The following HMCN1 variants were observed in gnomAD, a reference collection of about 807,000 sequenced individuals.
HMCN1 encodes hemicentin 1, also known as hemicentin-1.
In HMCN1, 321 loss-of-function variants were observed where a neutral mutation model predicts 625.9. The observed-to-expected ratio is 0.51, with a 90% CI of 0.47 to 0.56. The LOEUF (loss-of-function observed/expected upper bound fraction) is 0.56. HMCN1 is among the 20% of genes least tolerant of loss of function. The pLI is 0.00. For synonymous variants in HMCN1, 2,425 were observed against 2,417.6 expected, an observed-to-expected ratio of 1.00 and a Z score of -0.09; for missense variants, 6,588 against 6,887.3, an observed-to-expected ratio of 0.96 and a Z score of 1.54.
chr1:185,950,248 G>T (rs1252703458), intron 11 of HMCN1, among the ~76,000 whole-genome samples: 34 of 150,976 alleles, frequency 2.3e-4, no homozygotes, highest in East Asian at 1.4e-3. Flanking sequence ...AAGGAGCCGG[G>T]AAGCAGAAAG....
At chr1:185,872,686 A>G (rs557730833) in intron 4 of HMCN1, among the ~76,000 whole-genome samples, 2 of 152,240 alleles carry the variant, frequency 1.3e-5, no homozygotes, top group East Asian at 1.9e-4. Context: ...TGGGGAATAC[A>G]TGATTTAAAA....
At position 186,145,821 on chromosome 1, in the gene HMCN1, A is replaced by T; in HGVS notation, c.14506A>T (p.Thr4836Ser). Residue 4836 changes from threonine to serine, a missense_variant, in exon 93 of 107, where the codon ACT (threonine) becomes TCT (serine). Physicochemically the swap from Thr to Ser is moderately conservative, Grantham distance 58. Coordinates refer to ENST00000271588, the MANE Select transcript of HMCN1 (RefSeq NM_031935.3). Reference sequence around the variant, plus strand: ...TGCCTCCTGTGGAGGAGGTGAAAAGACTCGGAAGCGGCTGTGCGACCATCC... The same window carrying T: ...TGCCTCCTGTGGAGGAGGTGAAAAGTCTCGGAAGCGGCTGTGCGACCATCC... ...CSASCGGGEK[T>S]RKRLCDHPVP... 1.2e-6 allele frequency: 2 copies of T among 1,613,906 alleles called. No homozygotes were observed. Among genetic ancestry groups the T allele is most frequent in the Non-Finnish European group, 1.7e-6 (2 of 1,179,964 alleles).
At position 186,069,680 on chromosome 1, in the gene HMCN1, A is replaced by T. The variant is rs1558194154; in HGVS notation, c.7897A>T (p.Ile2633Phe). ...RILPGGRTLQ[I>F]LNAQEDNAGR... ...TTTTACAGGAGGCAGAACTCTGCAG[A>T]TCCTCAATGCACAGGAGGACAATGC... Residue 2633 changes from isoleucine (I) to phenylalanine (F), a missense_variant, in exon 51 of 107, where the codon ATC (isoleucine) becomes TTC (phenylalanine). Transcript: ENST00000271588. 6.2e-7 allele frequency: 1 copy of T among 1,612,160 alleles called. No homozygotes were observed. Among genetic ancestry groups the T allele is most frequent in the South Asian group, 1.1e-5 (1 of 90,464 alleles).
chr1:186,130,074 A>G lies in HMCN1; in HGVS notation c.13013A>G (p.Lys4338Arg). The change falls in exon 84 of 107, where the codon AAG becomes AGG. Residue 4338 changes from lysine to arginine, a missense_variant. By Grantham distance (26) the Lys-to-Arg change is conservative. Transcript: ENST00000271588. ...CTAENSVGFV[K>R]AIGFVYVKEP... Reference sequence around the variant, plus strand: ...GCAGAGAACAGCGTTGGCTTTGTGAAGGCAATTGGATTTGTTTATGTGAAA... The same window carrying G: ...GCAGAGAACAGCGTTGGCTTTGTGAGGGCAATTGGATTTGTTTATGTGAAA... The G allele has an allele frequency of 6.2e-7, 1 of 1,613,268 alleles. No homozygotes were observed. The highest frequency in any genetic ancestry group is 8.5e-7 in the Non-Finnish European group (1 of 1,179,376).
chr1:185,891,622 A>T (rs577284760), intron 4 of HMCN1, among the ~76,000 whole-genome samples: 1 of 147,790 alleles, frequency 6.8e-6, no homozygotes, highest in East Asian at 1.9e-4. Flanking sequence ...TTTCTTTAAG[A>T]AAGTTGAATA....
intron 1 of HMCN1, among the ~76,000 whole-genome samples, chr1:185,814,602 T>A (rs1239014544): frequency 7.1e-6 from 1 of 140,336 alleles, no homozygotes; most frequent in Non-Finnish European, 1.5e-5. Context: ...AATGAAGGCA[T>A]CTATTTTATA....
At chr1:186,152,350 A>G (rs1293956168) in intron 95 of HMCN1, among the ~76,000 whole-genome samples, 1 of 152,148 alleles carries the variant, frequency 6.6e-6, no homozygotes, top group African/African-American at 2.4e-5. Flanking sequence ...GGAGAAGACA[A>G]TTGGTTCTTT....
intron 68 of HMCN1, among the ~76,000 whole-genome samples, chr1:186,101,622 A>T (rs190639173): frequency 6.6e-6 from 1 of 152,216 alleles, no homozygotes; most frequent in East Asian, 1.9e-4. Flanking sequence ...GTTCACAATC[A>T]CTTAACACAG....
intron 1 of HMCN1, among the ~76,000 whole-genome samples, chr1:185,785,231 T>G (rs917845138): frequency 6.6e-6 from 1 of 152,196 alleles, no homozygotes; most frequent in African/African-American, 2.4e-5. Flanking sequence ...GGCTGCTTCT[T>G]AAAGTAAATT....
At chr1:185,926,862 C>G (rs151182088) in intron 9 of HMCN1, among the ~76,000 whole-genome samples, 1 of 152,268 alleles carries the variant, frequency 6.6e-6, no homozygotes, top group African/African-American at 2.4e-5. Context: ...TTTTATTTGA[C>G]GTGTTCTTTT....
intron 96 of HMCN1, among the ~76,000 whole-genome samples, chr1:186,153,466 G>T (rs975252289): frequency 2.6e-5 from 4 of 152,090 alleles, no homozygotes; most frequent in African/African-American, 9.7e-5. Flanking sequence ...CCGCCACTTT[G>T]TACCAATGTA....
At chr1:186,114,394 A>T (rs1427701659) in intron 73 of HMCN1, among the ~76,000 whole-genome samples, 1 of 152,002 alleles carries the variant, frequency 6.6e-6, no homozygotes, top group Non-Finnish European at 1.5e-5. Context: ...GTAAGCTGAG[A>T]TTAAAGACGC....
At chr1:185,809,757 T>A (rs1487820224) in intron 1 of HMCN1, among the ~76,000 whole-genome samples, 1 of 152,006 alleles carries the variant, frequency 6.6e-6, no homozygotes, top group Non-Finnish European at 1.5e-5. Context: ...AGTATTTAGG[T>A]CTGTTCTACA....
At chr1:186,158,305 T>C (rs1651174565) in intron 97 of HMCN1, among the ~76,000 whole-genome samples, 1 of 151,334 alleles carries the variant, frequency 6.6e-6, no homozygotes, top group African/African-American at 2.4e-5. Flanking sequence ...TCTTGTAAAT[T>C]TGTTTGAGTT....
intron 1 of HMCN1, among the ~76,000 whole-genome samples, chr1:185,748,342 G>T (rs79730498): frequency 0.048 from 7,230 of 151,976 alleles, 485 homozygotes; most frequent in African/African-American, 0.16. Flanking sequence ...CCTTGAAGTT[G>T]TCTCCCCAGC....
intron 97 of HMCN1, among the ~76,000 whole-genome samples, chr1:186,158,099 C>G (rs1043578143): frequency 6.8e-6 from 1 of 147,276 alleles, no homozygotes; most frequent in African/African-American, 2.6e-5. Context: ...CTCTCCAGCA[C>G]CTGTTGTTTC....
At position 186,023,021 on chromosome 1, in the gene HMCN1, C is replaced by T. The variant is rs1004448036; in HGVS notation, c.5626-9C>T. The T allele has an allele frequency of 4.3e-6, 7 of 1,612,872 alleles. No individual in the cohort carries two copies. Among genetic ancestry groups the T allele is most frequent in the Non-Finnish European group, 5.1e-6 (6 of 1,179,204 alleles). ...ACAAAAATCCTCTGTGCTTTCTGCT[C>T]CCAATTAGATACAGTCTTCTGGTCG... is the stretch of plus-strand genomic sequence containing the variant. On this transcript the variant is annotated splice_polypyrimidine_tract_variant and intron_variant, in intron 35 of 106. Coordinates refer to ENST00000271588, the MANE Select transcript of HMCN1 (RefSeq NM_031935.3).
At chr1:186,023,203 A>G in intron 36 of HMCN1, 50 bp downstream of exon 36, 2 of 1,516,302 alleles carry the variant, frequency 1.3e-6, no homozygotes, top group Non-Finnish European at 1.8e-6. Context: ...TCACTTTTTA[A>G]AAACATAGTG....
chr1:186,016,316 A>G lies in HMCN1; in HGVS notation c.5191+77A>G, dbSNP rs898690011. The G allele has an allele frequency of 3.6e-5, 49 of 1,365,556 alleles. No individual in the cohort carries two copies. The Admixed American group carries it at 6.8e-4, about 19-fold the overall frequency. The allele number at this position is 1,365,556 out of a possible 1,614,324, so 84.6% of individuals were successfully genotyped here. On this transcript the variant is annotated intron_variant, in intron 32 of 106. Coordinates refer to ENST00000271588, the MANE Select transcript of HMCN1 (RefSeq NM_031935.3). ...TAGTTTGTTAAATACTTTTTTGTTC[A>G]TGCAATAATAAAACAATCTAAAAGA...
Sources: gnomAD v4.1 joint callset for allele counts (sites outside exome capture counted in the v4.1 genomes callset) on GRCh38, gnomAD v4.1.1 for gene constraint, MANE v1.5 for transcripts, NCBI Gene and HGNC (gene_info 2026-07-23, HGNC 2026-07-21) for gene names.